RUNDC3B: variants seen among roughly 807,000 people sequenced by gnomAD.
The protein encoded by RUNDC3B is RUN domain containing 3B.
In RUNDC3B, 33 loss-of-function variants were observed where a neutral mutation model predicts 58.4. That is an observed-to-expected ratio of 0.56 (90% confidence interval 0.43 to 0.75). RUNDC3B has a LOEUF of 0.75. Among genes scored for constraint, RUNDC3B ranks in the 30% least tolerant of loss-of-function variants. The probability of loss-of-function intolerance (pLI) is 0.00; values close to 1 mark genes in which losing one functional copy is unlikely to be tolerated. For synonymous variants in RUNDC3B, 193 were observed against 195.2 expected (o/e 0.99, Z 0.10); for missense variants, 501 against 535.7 (o/e 0.94, Z 0.64).
intron 10 of RUNDC3B, among the ~76,000 whole-genome samples, chr7:87,819,998 A>G (rs911357406): frequency 1.3e-5 from 2 of 152,186 alleles, no homozygotes; most frequent in Non-Finnish European, 2.9e-5. Flanking sequence ...AAGAGCAAAC[A>G]CATTCAAAAG....
At chr7:87,783,448 A>G (rs1327901375) in intron 8 of RUNDC3B, among the ~76,000 whole-genome samples, 1 of 152,084 alleles carries the variant, frequency 6.6e-6, no homozygotes, top group East Asian at 1.9e-4. Context: ...GTCTTGTTCT[A>G]TTAGCCACCT....
chr7:87,732,970 CA>C (rs1936038174), intron 4 of RUNDC3B, among the ~76,000 whole-genome samples: 2 of 152,094 alleles, frequency 1.3e-5, no homozygotes, highest in Non-Finnish European at 2.9e-5. Flanking sequence ...ACAATTGCAA[CA>C]AAAGCTGGTT....
intron 4 of RUNDC3B, among the ~76,000 whole-genome samples, chr7:87,729,909 C>G (rs1831477604): frequency 6.6e-6 from 1 of 152,140 alleles, no homozygotes; most frequent in Non-Finnish European, 1.5e-5. Context: ...AATAGGGTAT[C>G]AGGAACAGTC....
chr7:87,652,621 G>GATATATATAT (rs373344881), intron 2 of RUNDC3B, among the ~76,000 whole-genome samples: 1,678 of 125,320 alleles, frequency 0.013, 54 homozygotes, highest in African/African-American at 0.04. Flanking sequence ...TGTGGTCACT[G>GATATATATAT]ATATATATAT....
intron 1 of RUNDC3B, among the ~76,000 whole-genome samples, chr7:87,636,980 T>C (rs945610220): frequency 1.3e-5 from 2 of 152,008 alleles, no homozygotes; most frequent in African/African-American, 2.4e-5. Context: ...GAGAGAAAAA[T>C]GAGAACATGA....
At chr7:87,689,389 A>G (rs550873210) in intron 2 of RUNDC3B, among the ~76,000 whole-genome samples, 128 of 152,180 alleles carry the variant, frequency 8.4e-4, no homozygotes, top group African/African-American at 3.0e-3. Context: ...GCATAGAGCA[A>G]TTTGCAGTAC....
intron 6 of RUNDC3B, among the ~76,000 whole-genome samples, chr7:87,757,935 A>G (rs150776657): frequency 6.6e-6 from 1 of 152,326 alleles, no homozygotes; most frequent in African/African-American, 2.4e-5. Context: ...TGGTGCTGGG[A>G]AAACTGGATA....
intron 2 of RUNDC3B, among the ~76,000 whole-genome samples, chr7:87,686,057 CAT>C (rs1416341750): frequency 6.6e-6 from 1 of 152,174 alleles, no homozygotes; most frequent in Non-Finnish European, 1.5e-5. Context: ...GGAAATGAAT[CAT>C]AACCTGAGTT....
chr7:87,757,610 A>G (rs1473450296), intron 6 of RUNDC3B, among the ~76,000 whole-genome samples: 4 of 152,152 alleles, frequency 2.6e-5, no homozygotes, highest in Non-Finnish European at 4.4e-5. Flanking sequence ...TATAGACCCA[A>G]TGTATTTGCT....
chr7:87,817,721 A>C (rs1837143563), intron 10 of RUNDC3B, among the ~76,000 whole-genome samples: 1 of 152,198 alleles, frequency 6.6e-6, no homozygotes, highest in African/African-American at 2.4e-5. Context: ...CATGCCAGGC[A>C]TGCTCTATCA....
chr7:87,731,630 G>A (rs867528351), intron 4 of RUNDC3B, among the ~76,000 whole-genome samples: 6 of 151,968 alleles, frequency 3.9e-5, no homozygotes, highest in South Asian at 2.1e-4. Flanking sequence ...TATTTATATC[G>A]GACAAAACAG....
intron 2 of RUNDC3B, among the ~76,000 whole-genome samples, chr7:87,652,259 T>C (rs1266419439): frequency 6.6e-6 from 1 of 152,074 alleles, no homozygotes; most frequent in Non-Finnish European, 1.5e-5. Context: ...AAACTATCAA[T>C]AGAAAACTAT....
At chr7:87,669,802 A>G (rs896507639) in intron 2 of RUNDC3B, among the ~76,000 whole-genome samples, 1 of 152,086 alleles carries the variant, frequency 6.6e-6, no homozygotes, top group Non-Finnish European at 1.5e-5. Flanking sequence ...TGGGCCCCCA[A>G]TCTCTTCTGG....
chr7:87,746,960 A>G, intron 6 of RUNDC3B, among the ~76,000 whole-genome samples: 1 of 151,872 alleles, frequency 6.6e-6, no homozygotes, highest in East Asian at 1.9e-4. Flanking sequence ...AACCTCCTGA[A>G]TTCTTTTTCA....
intron 1 of RUNDC3B, among the ~76,000 whole-genome samples, chr7:87,649,389 T>C (rs1823348570): frequency 6.6e-6 from 1 of 152,178 alleles, no homozygotes; most frequent in South Asian, 2.1e-4. Context: ...TCAGAAAGCG[T>C]GGTTCTGCCT....
chr7:87,668,643 T>G (rs1281622692), intron 2 of RUNDC3B, among the ~76,000 whole-genome samples: 1 of 152,150 alleles, frequency 6.6e-6, no homozygotes, highest in East Asian at 1.9e-4. Context: ...TAACACTGTC[T>G]TAGCTGTGTC....
intron 8 of RUNDC3B, among the ~76,000 whole-genome samples, chr7:87,801,902 T>C (rs113811741): frequency 2.6e-5 from 4 of 152,202 alleles, no homozygotes; most frequent in African/African-American, 9.6e-5. Flanking sequence ...AAGTGAGATA[T>C]AGAAAGCTGT....
intron 1 of RUNDC3B, among the ~76,000 whole-genome samples, chr7:87,642,465 G>T (rs1822552990): frequency 6.6e-6 from 1 of 152,044 alleles, no homozygotes; most frequent in Non-Finnish European, 1.5e-5. Context: ...AGGGATATGT[G>T]ATCCAAGTAT....
intron 6 of RUNDC3B, among the ~76,000 whole-genome samples, chr7:87,748,598 A>G (rs1252293413): frequency 1.3e-5 from 2 of 152,184 alleles, no homozygotes; most frequent in Non-Finnish European, 2.9e-5. Context: ...TATATATGTC[A>G]CACATACACA....
Sources: allele counts gnomAD v4.1 joint callset (sites outside exome capture counted in the v4.1 genomes callset), GRCh38; gene constraint gnomAD v4.1.1; transcripts MANE v1.5; gene names NCBI Gene and HGNC (gene_info 2026-07-23, HGNC 2026-07-21).